STXBP5L: variants seen among roughly 807,000 people sequenced by gnomAD.
STXBP5L encodes syntaxin-binding protein 5-like.
In STXBP5L, 65 loss-of-function variants were observed where a neutral mutation model predicts 144.5. That is an observed-to-expected ratio of 0.45 (90% CI 0.37 to 0.55). The LOEUF is 0.55. Among genes scored for constraint, STXBP5L ranks in the 20% least tolerant of loss-of-function variants. The probability of loss-of-function intolerance (pLI) is 0.00; values close to 1 mark genes in which losing one functional copy is unlikely to be tolerated. For missense variants in STXBP5L, 1,298 were observed against 1,405.5 expected, an observed-to-expected ratio of 0.92 and a Z score of 1.22; for synonymous variants, 505 against 469.6, an observed-to-expected ratio of 1.08 and a Z score of -0.97.
chr3:121,355,921 T>C (rs1410512582), intron 20 of STXBP5L, among the ~76,000 whole-genome samples: 2 of 152,234 alleles, frequency 1.3e-5, no homozygotes, highest in Non-Finnish European at 2.9e-5. Flanking sequence ...TTCTGTTTGT[T>C]AGTTTTCCTT....
At chr3:120,950,934 A>C (rs1711176804) in intron 2 of STXBP5L, among the ~76,000 whole-genome samples, 1 of 152,194 alleles carries the variant, frequency 6.6e-6, no homozygotes, top group Non-Finnish European at 1.5e-5. Context: ...CCAAAACAGC[A>C]TGGTACTGGT....
intron 22 of STXBP5L, among the ~76,000 whole-genome samples, chr3:121,390,056 G>C (rs1421381337): frequency 6.6e-6 from 1 of 152,218 alleles, no homozygotes; most frequent in Non-Finnish European, 1.5e-5. Flanking sequence ...CTTGCTTTAT[G>C]AATCTGGGTG....
intron 3 of STXBP5L, among the ~76,000 whole-genome samples, chr3:121,007,389 G>C (rs1024764385): frequency 2.0e-5 from 3 of 151,678 alleles, no homozygotes; most frequent in African/African-American, 7.3e-5. Context: ...TAAAATTCTG[G>C]CCTCAAATTT....
intron 10 of STXBP5L, among the ~76,000 whole-genome samples, chr3:121,207,273 A>C (rs1188444516): frequency 6.6e-6 from 1 of 152,218 alleles, no homozygotes; most frequent in Non-Finnish European, 1.5e-5. Context: ...AAAACTGGCT[A>C]GCCATATGTA....
chr3:121,369,910 T>C, intron 20 of STXBP5L, among the ~76,000 whole-genome samples: 1 of 152,200 alleles, frequency 6.6e-6, no homozygotes, highest in Non-Finnish European at 1.5e-5. Context: ...TAAGTTCTTA[T>C]AGATGATGAT....
intron 10 of STXBP5L, among the ~76,000 whole-genome samples, chr3:121,215,162 C>T (rs1193511715): frequency 6.6e-6 from 1 of 152,062 alleles, no homozygotes; most frequent in Non-Finnish European, 1.5e-5. Context: ...ATCCAATTTG[C>T]CAGTCTGCGT....
chr3:121,149,646 T>G (rs1035636618), intron 7 of STXBP5L, among the ~76,000 whole-genome samples: 7 of 151,956 alleles, frequency 4.6e-5, no homozygotes, highest in Non-Finnish European at 2.9e-5. Context: ...AATCTAACTA[T>G]AGAATTAATA....
intron 5 of STXBP5L, among the ~76,000 whole-genome samples, chr3:121,100,852 T>C (rs960757010): frequency 1.3e-5 from 2 of 148,582 alleles, no homozygotes; most frequent in African/African-American, 4.9e-5. Context: ...ACTAGCTAGA[T>C]TAACAAAGAA....
chr3:121,051,454 A>C (rs548135043), intron 5 of STXBP5L, among the ~76,000 whole-genome samples: 2 of 152,328 alleles, frequency 1.3e-5, no homozygotes, highest in South Asian at 2.1e-4. Flanking sequence ...GCTCAACTAC[A>C]TGGAAACTGA....
At chr3:121,370,362 C>T (rs749202602) in intron 20 of STXBP5L, among the ~76,000 whole-genome samples, 7 of 152,060 alleles carry the variant, frequency 4.6e-5, no homozygotes, top group Admixed American at 2.0e-4. Flanking sequence ...AGGGAGACTC[C>T]GTCTCAAAAA....
chr3:121,117,859 G>T (rs1302775521), intron 6 of STXBP5L, among the ~76,000 whole-genome samples: 7 of 151,628 alleles, frequency 4.6e-5, no homozygotes, highest in Non-Finnish European at 1.0e-4. Flanking sequence ...CATTTAAACA[G>T]TGATATTTGA....
chr3:121,411,105 T>A (rs2047105935), intron 23 of STXBP5L, among the ~76,000 whole-genome samples: 1 of 152,134 alleles, frequency 6.6e-6, no homozygotes, highest in African/African-American at 2.4e-5. Context: ...AATATCTTTT[T>A]AAGATATTAG....
In STXBP5L at chr3:121,420,822, G is replaced by T. The variant is rs778044805; in HGVS notation, c.*1725G>T. 4 of 151,958 alleles carry T rather than the reference G, an allele frequency of 2.6e-5. No individual in the cohort carries two copies. The highest frequency in any genetic ancestry group is 5.9e-5 in the Non-Finnish European group (4 of 67,966). 9.4% of individuals were successfully genotyped at this position (151,958 alleles called of 1,614,324 possible). On this transcript the variant is annotated 3_prime_UTR_variant, in exon 27 of 27. Coordinates refer to ENST00000471454, the MANE Select transcript of STXBP5L (RefSeq NM_001308330.2). Reference sequence around the variant, plus strand: ...TCCTTTTTAGTCTAATTTTTTGCTAGAAGTTGTACTTTCTAGCAAATGTTT... The same window carrying T: ...TCCTTTTTAGTCTAATTTTTTGCTATAAGTTGTACTTTCTAGCAAATGTTT...
At chr3:121,225,133 A>G (rs1272555871) in intron 11 of STXBP5L, among the ~76,000 whole-genome samples, 2 of 152,126 alleles carry the variant, frequency 1.3e-5, no homozygotes, top group African/African-American at 4.8e-5. Flanking sequence ...AGTGCCGGAA[A>G]GGTTTCTGAC....
At chr3:121,094,411 C>G (rs952900396) in intron 5 of STXBP5L, among the ~76,000 whole-genome samples, 1 of 151,996 alleles carries the variant, frequency 6.6e-6, no homozygotes, top group African/African-American at 2.4e-5. Flanking sequence ...GAGTCTAAGT[C>G]TCTTTATAGG....
rs548015903 is a variant in STXBP5L, at chr3:121,422,022, T to G, written c.*2925T>G. On this transcript the variant is annotated 3_prime_UTR_variant, in exon 27 of 27. Transcript: ENST00000471454. ...TTATTTTTATAATTCAAAGAGATGA[T>G]AGCAATAAGAAGAATCTAATGTGGA... 4.6e-5 allele frequency: 7 copies of G among 152,264 alleles called. No homozygotes were observed. In the East Asian group the frequency reaches 1.3e-3, roughly 29 times the overall value. 9.4% of individuals were successfully genotyped at this position (152,264 alleles called of 1,614,324 possible). A position where few individuals can be genotyped will look rare whatever the true frequency, so the allele number is the denominator to read the frequency against.
intron 5 of STXBP5L, among the ~76,000 whole-genome samples, chr3:121,066,108 G>A (rs1285885801): frequency 1.3e-5 from 2 of 152,142 alleles, no homozygotes; most frequent in Non-Finnish European, 2.9e-5. Flanking sequence ...GAAATCACAG[G>A]TCCCGTGCAC....
At chr3:121,014,520 C>A (rs888762813) in intron 3 of STXBP5L, among the ~76,000 whole-genome samples, 7 of 151,924 alleles carry the variant, frequency 4.6e-5, no homozygotes, top group African/African-American at 1.7e-4. Flanking sequence ...GAGTAGTATA[C>A]AAATGTATAG....
intron 3 of STXBP5L, among the ~76,000 whole-genome samples, chr3:120,982,358 A>C (rs1187461636): frequency 6.6e-6 from 1 of 152,208 alleles, no homozygotes; most frequent in Admixed American, 6.5e-5. Context: ...CCCTATTGAC[A>C]AGAGAAGACA....
Sources: allele counts gnomAD v4.1 joint callset (sites outside exome capture counted in the v4.1 genomes callset), GRCh38; gene constraint gnomAD v4.1.1; transcripts MANE v1.5; gene names NCBI Gene and HGNC (gene_info 2026-07-23, HGNC 2026-07-21).